Variants in KHDRBS2 observed in about 807,000 individuals in gnomAD.
KHDRBS2 encodes KH RNA binding domain containing, signal transduction associated 2.
In KHDRBS2, 26 loss-of-function variants were observed where a neutral mutation model predicts 44.3. The ratio of observed to expected loss-of-function variants is 0.59; its 90% CI spans 0.43 to 0.81. KHDRBS2 has a LOEUF of 0.81. Ranked by LOEUF, KHDRBS2 falls within the 40% of genes least tolerant of loss-of-function variation. The pLI is 0.00. For synonymous variants in KHDRBS2, 194 were observed against 151.1 expected, an observed-to-expected ratio of 1.28 and a Z score of -2.08; for missense variants, 476 against 433.1, an observed-to-expected ratio of 1.10 and a Z score of -0.88.
intron 2 of KHDRBS2, among the ~76,000 whole-genome samples, chr6:62,081,096 ATTTTC>A (rs1335315960): frequency 2.6e-5 from 4 of 151,944 alleles, no homozygotes; most frequent in Non-Finnish European, 5.9e-5. Flanking sequence ...AATGTGTCCT[ATTTTC>A]TTTTGGCATT....
At chr6:61,802,778 G>A (rs1355729347) in intron 6 of KHDRBS2, among the ~76,000 whole-genome samples, 1 of 152,094 alleles carries the variant, frequency 6.6e-6, no homozygotes, top group East Asian at 1.9e-4. Context: ...CCTCACAAAT[G>A]CTTTGTTTTC....
chr6:61,845,412 C>T (rs1351444811), intron 6 of KHDRBS2, among the ~76,000 whole-genome samples: 4 of 150,774 alleles, frequency 2.7e-5, no homozygotes, highest in African/African-American at 4.9e-5. Flanking sequence ...CGGGTTCGAG[C>T]GATTCTCCTG....
intron 2 of KHDRBS2, among the ~76,000 whole-genome samples, chr6:62,161,492 AT>A (rs1259438529): frequency 7.0e-6 from 1 of 143,098 alleles, no homozygotes; most frequent in African/African-American, 2.6e-5. Flanking sequence ...TTTAAAGTAT[AT>A]GTGAGAATTG....
At chr6:61,665,880 T>A in the KHDRBS2 span, among the ~76,000 whole-genome samples, 1 of 151,026 alleles carries the variant, frequency 6.6e-6, no homozygotes. Flanking sequence ...AAATTTCTGT[T>A]CTCAAGTTAT....
intron 6 of KHDRBS2, among the ~76,000 whole-genome samples, chr6:61,737,490 C>G (rs1775545379): frequency 6.6e-6 from 1 of 152,044 alleles, no homozygotes; most frequent in Non-Finnish European, 1.5e-5. Context: ...ACAACCGTCA[C>G]AAAATGAAAA....
intron 1 of KHDRBS2, among the ~76,000 whole-genome samples, chr6:62,182,476 A>G (rs1822526335): frequency 6.6e-6 from 1 of 152,022 alleles, no homozygotes. Flanking sequence ...TTTTACCACA[A>G]AAATAAATAA....
intron 6 of KHDRBS2, among the ~76,000 whole-genome samples, chr6:61,855,749 A>G (rs1461084868): frequency 6.6e-6 from 1 of 152,012 alleles, no homozygotes; most frequent in Non-Finnish European, 1.5e-5. Context: ...ACAGCAGTCT[A>G]TAGATAAATG....
At chr6:61,710,462 A>G (rs557110456) in intron 7 of KHDRBS2, among the ~76,000 whole-genome samples, 4 of 151,750 alleles carry the variant, frequency 2.6e-5, no homozygotes, top group South Asian at 4.2e-4. Flanking sequence ...AGCATTGAGC[A>G]CAAGTCCATT....
At chr6:62,174,375 A>T (rs1041907784) in intron 2 of KHDRBS2, among the ~76,000 whole-genome samples, 2 of 151,524 alleles carry the variant, frequency 1.3e-5, no homozygotes, top group African/African-American at 4.8e-5. Flanking sequence ...TGAGAATTAT[A>T]TATTTATATT....
In KHDRBS2 at chr6:62,106,032, T is replaced by C. The variant is rs190834026; in HGVS notation, c.220-58038A>G. On this transcript the variant is annotated intron_variant, in intron 2 of 8. Coordinates refer to ENST00000281156, the MANE Select transcript of KHDRBS2 (RefSeq NM_152688.4). ...CTTTATTTCTGCCTTCATTTCGTTA[T>C]GTACCCAGTAGTCATTCAGGAGCAG... 1.5e-3 allele frequency among the ~76,000 whole-genome samples: 230 copies of C among 152,352 alleles called. 3 individuals are homozygous for C. Among genetic ancestry groups the C allele is most frequent in the Admixed American group, 0.014 (210 of 15,298 alleles).
At chr6:61,896,228 T>A (rs116200331) in intron 5 of KHDRBS2, among the ~76,000 whole-genome samples, 1,894 of 152,296 alleles carry the variant, frequency 0.012, 30 homozygotes, top group African/African-American at 0.042. Flanking sequence ...TTTATAACTG[T>A]TGTCCTAGCT....
intron 3 of KHDRBS2, among the ~76,000 whole-genome samples, chr6:62,019,284 G>A (rs1781815725): frequency 6.6e-6 from 1 of 152,032 alleles, no homozygotes; most frequent in South Asian, 2.1e-4. Context: ...CAAGTTTGCA[G>A]AAGCTTACAT....
intron 3 of KHDRBS2, among the ~76,000 whole-genome samples, chr6:62,039,200 C>T (rs983722625): frequency 4.6e-5 from 7 of 150,722 alleles, no homozygotes; most frequent in African/African-American, 1.5e-4. Context: ...ATGTGTTGAT[C>T]GGTGCTTTCT....
At chr6:61,567,428 G>A in the KHDRBS2 span, among the ~76,000 whole-genome samples, 303 of 152,188 alleles carry the variant, frequency 2.0e-3, no homozygotes, top group Non-Finnish European at 2.8e-3. Flanking sequence ...CAGCCTATTC[G>A]TTTGAGACCA....
At chr6:61,694,444 C>A (rs576574629) in intron 8 of KHDRBS2, among the ~76,000 whole-genome samples, 1 of 152,198 alleles carries the variant, frequency 6.6e-6, no homozygotes, top group African/African-American at 2.4e-5. Flanking sequence ...ACTAGTGATA[C>A]CTATATGCAA....
In KHDRBS2 at chr6:61,768,453, C is replaced by A. The variant is rs9451706; in HGVS notation, c.811-35689G>T. Among the ~76,000 whole-genome samples, 31 of 152,194 alleles carry A rather than the reference C, an allele frequency of 2.0e-4. No individual in the cohort carries two copies. In the East Asian group the frequency reaches 5.6e-3, roughly 28 times the overall value. On this transcript the variant is annotated intron_variant, in intron 6 of 8. Transcript: ENST00000281156. ...CTTTGAATATACTTACTACACCCATCCCTTTCTCAACCTCATTTTAAAGGC... is the reference window on the plus strand; with the variant it reads ...CTTTGAATATACTTACTACACCCATACCTTTCTCAACCTCATTTTAAAGGC...
intron 1 of KHDRBS2, among the ~76,000 whole-genome samples, chr6:62,204,965 T>C (rs1384175148): frequency 1.3e-5 from 2 of 152,092 alleles, no homozygotes; most frequent in African/African-American, 4.8e-5. Flanking sequence ...AGGACAGAAA[T>C]AGTGTCTTCC....
chr6:62,282,121 C>T (rs1293209493), intron 1 of KHDRBS2, among the ~76,000 whole-genome samples: 1 of 152,042 alleles, frequency 6.6e-6, no homozygotes, highest in Non-Finnish European at 1.5e-5. Flanking sequence ...ACTTATCAAG[C>T]TTTATGAAAA....
rs192855986 is a variant in KHDRBS2 at position 61,698,635 on chromosome 6, T to G, written c.894-1382A>C. On this transcript the variant is annotated intron_variant, in intron 7 of 8. Coordinates refer to ENST00000281156, the MANE Select transcript of KHDRBS2 (RefSeq NM_152688.4). The stretch of plus-strand genomic sequence containing the variant: ...TTCACAAATAGCTTCCCCATAGTCT[T>G]TAGGAGAAAAATAAAAAATTCTTAT... 2.1e-3 allele frequency among the ~76,000 whole-genome samples: 316 copies of G among 152,176 alleles called. 1 individual carries two copies. The highest frequency in any genetic ancestry group is 7.4e-3 in the African/African-American group (307 of 41,544).
Sources: allele counts gnomAD v4.1 joint callset (sites outside exome capture counted in the v4.1 genomes callset), GRCh38; gene constraint gnomAD v4.1.1; transcripts MANE v1.5; gene names NCBI Gene and HGNC (gene_info 2026-07-23, HGNC 2026-07-21).